The following ERC2 variants were observed in gnomAD, a reference collection of about 807,000 sequenced individuals.
ERC2 encodes ERC protein 2.
A neutral mutation model predicts 114.8 loss-of-function variants in ERC2; 42 were observed. That is an observed-to-expected ratio of 0.37 (90% CI 0.29 to 0.47). The LOEUF (loss-of-function observed/expected upper bound fraction) is 0.47. Ranked by LOEUF, ERC2 falls within the 20% of genes least tolerant of loss-of-function variation. The pLI is 0.99. For missense variants in ERC2, 939 were observed against 1,150.7 expected (o/e 0.82, Z 2.66); for synonymous variants, 454 against 425.5 (o/e 1.07, Z -0.82).
chr3:56,121,493 G>A (rs764178332), intron 6 of ERC2, among the ~76,000 whole-genome samples: 15 of 152,136 alleles, frequency 9.9e-5, no homozygotes, highest in Non-Finnish European at 1.6e-4. Context: ...TATCTATTAT[G>A]AGTATCCTTA....
intron 4 of ERC2, among the ~76,000 whole-genome samples, chr3:56,151,159 T>C (rs1196805489): frequency 6.6e-6 from 1 of 152,004 alleles, no homozygotes; most frequent in Non-Finnish European, 1.5e-5. Flanking sequence ...CTCACAAACA[T>C]AGGTTCAAGC....
chr3:56,068,763 T>A (rs1269907646), intron 7 of ERC2, among the ~76,000 whole-genome samples: 1 of 152,190 alleles, frequency 6.6e-6, no homozygotes, highest in Non-Finnish European at 1.5e-5. Flanking sequence ...CTCATTGGTT[T>A]CAAAGAACTT....
intron 2 of ERC2, among the ~76,000 whole-genome samples, chr3:56,361,303 C>A (rs138257066): frequency 2.3e-4 from 35 of 152,256 alleles, no homozygotes; most frequent in African/African-American, 7.9e-4. Context: ...ACGTCCAAGT[C>A]TGACATGAAA....
At chr3:55,862,140 A>C (rs1428008322) in intron 14 of ERC2, among the ~76,000 whole-genome samples, 1 of 152,108 alleles carries the variant, frequency 6.6e-6, no homozygotes, top group African/African-American at 2.4e-5. Flanking sequence ...AACACACACA[A>C]ACACACACAC....
intron 2 of ERC2, among the ~76,000 whole-genome samples, chr3:56,334,520 T>G (rs1180306732): frequency 6.6e-6 from 1 of 152,192 alleles, no homozygotes; most frequent in African/African-American, 2.4e-5. Context: ...AAAACTATCC[T>G]TACAGATGCT....
intron 15 of ERC2, among the ~76,000 whole-genome samples, chr3:55,703,806 T>C (rs2063348982): frequency 6.6e-6 from 1 of 152,218 alleles, no homozygotes; most frequent in African/African-American, 2.4e-5. Context: ...TTTTCCTGTT[T>C]ATTTGTTTTT....
intron 14 of ERC2, among the ~76,000 whole-genome samples, chr3:55,796,145 A>C (rs2070459565): frequency 6.6e-6 from 1 of 152,260 alleles, no homozygotes; most frequent in South Asian, 2.1e-4. Flanking sequence ...TATACCGGCA[A>C]GGCTATAGCA....
chr3:56,381,185 G>A (rs190324775), intron 2 of ERC2, among the ~76,000 whole-genome samples: 72 of 152,126 alleles, frequency 4.7e-4, no homozygotes, highest in African/African-American at 1.6e-3. Flanking sequence ...GAAAAAAATG[G>A]GGAATTTCTT....
intron 7 of ERC2, among the ~76,000 whole-genome samples, chr3:56,076,081 A>T (rs145263358): frequency 6.6e-6 from 1 of 152,274 alleles, no homozygotes; most frequent in African/African-American, 2.4e-5. Context: ...AGCCAACTCC[A>T]TTCACCCCTC....
rs1335392831 is a variant in ERC2, at chr3:55,952,165, ACACACACACACACACTCTCTCTCTCTCT to A, written c.2268-1633_2268-1606del. 4.7e-4 allele frequency among the ~76,000 whole-genome samples: 40 copies of A among 85,862 alleles called. 4 individuals are homozygous for A. Among genetic ancestry groups the A allele is most frequent in the African/African-American group, 6.4e-4 (15 of 23,372 alleles). The allele number at this position is 85,862 out of a possible 152,430, so 56.3% of individuals were successfully genotyped here. ...CACACACACACACACACACACACAC[ACACACACACACACACTCTCTCTCTCTCT>A]CTCTCTATATATATATATATATATT... On this transcript the variant is annotated intron_variant, in intron 12 of 17. Transcript: ENST00000288221.
chr3:55,545,283 T>C (rs777841691), intron 17 of ERC2, among the ~76,000 whole-genome samples: 13 of 152,174 alleles, frequency 8.5e-5, no homozygotes, highest in Non-Finnish European at 1.9e-4. Context: ...AAACTCCAAA[T>C]GGCAACCAGA....
intron 3 of ERC2, among the ~76,000 whole-genome samples, chr3:56,197,664 C>T (rs1238658208): frequency 6.6e-6 from 1 of 152,218 alleles, no homozygotes; most frequent in South Asian, 2.1e-4. Context: ...TGTTTTACTC[C>T]ATTCCATTCC....
At chr3:56,458,763 T>C (rs990240305) in intron 1 of ERC2, among the ~76,000 whole-genome samples, 19 of 152,050 alleles carry the variant, frequency 1.2e-4, no homozygotes, top group African/African-American at 4.6e-4. Context: ...GGAGGGAATG[T>C]TACAGCCTTA....
chr3:56,424,904 A>T (rs1265262404), intron 2 of ERC2, among the ~76,000 whole-genome samples: 1 of 152,236 alleles, frequency 6.6e-6, no homozygotes, highest in African/African-American at 2.4e-5. Flanking sequence ...GGGAAAACAC[A>T]CACAAGCACT....
chr3:55,855,036 TA>T (rs1326253449), intron 14 of ERC2, among the ~76,000 whole-genome samples: 1 of 152,234 alleles, frequency 6.6e-6, no homozygotes, highest in Non-Finnish European at 1.5e-5. Flanking sequence ...GGCAGCCCAG[TA>T]ACTTGAATTC....
intron 17 of ERC2, among the ~76,000 whole-genome samples, chr3:55,653,595 G>C (rs1471103913): frequency 8.0e-6 from 1 of 125,350 alleles, no homozygotes; most frequent in Non-Finnish European, 1.8e-5. Flanking sequence ...GTGTGTGTGT[G>C]TGTGTGTGTG....
At position 56,193,734 on chromosome 3, in the gene ERC2, C is replaced by A. The variant is rs142923783; in HGVS notation, c.1075-20214G>T. ...TACTATTATTATCCCCATTTTGCAA[C>A]AGAGAAACCTGAGGCCCAGAGAGGT... is the stretch of plus-strand genomic sequence containing the variant. On this transcript the variant is annotated intron_variant, in intron 3 of 17. Transcript: ENST00000288221. Among the ~76,000 whole-genome samples the A allele has an allele frequency of 2.6e-5, 4 of 152,202 alleles. 1 individual carries two copies. In the South Asian group the frequency reaches 8.3e-4, roughly 32 times the overall value.
chr3:55,621,659 GGA>G (rs1388828869), intron 17 of ERC2, among the ~76,000 whole-genome samples: 1 of 152,134 alleles, frequency 6.6e-6, no homozygotes, highest in Non-Finnish European at 1.5e-5. Flanking sequence ...AGCAAATTCT[GGA>G]AGCACTGAAA....
At chr3:55,942,109 A>G (rs1365544958) in intron 13 of ERC2, among the ~76,000 whole-genome samples, 2 of 152,040 alleles carry the variant, frequency 1.3e-5, no homozygotes, top group African/African-American at 2.4e-5. Context: ...GGGTTGCACA[A>G]ATGGCACTGG....
Sources: gnomAD v4.1 joint callset for allele counts (sites outside exome capture counted in the v4.1 genomes callset) on GRCh38, gnomAD v4.1.1 for gene constraint, MANE v1.5 for transcripts, NCBI Gene and HGNC (gene_info 2026-07-23, HGNC 2026-07-21) for gene names.